Variants in KCNIP4 observed in about 807,000 individuals in gnomAD.
KCNIP4 encodes potassium voltage-gated channel interacting protein 4.
In KCNIP4, 12 loss-of-function variants were observed where a neutral mutation model predicts 34.0. That is an observed-to-expected ratio of 0.35 (90% CI 0.23 to 0.57). KCNIP4 has a LOEUF of 0.57. Among genes scored for constraint, KCNIP4 ranks in the 20% least tolerant of loss-of-function variants. The probability of loss-of-function intolerance (pLI) is 0.83; values close to 1 mark genes in which losing one functional copy is unlikely to be tolerated. For missense variants in KCNIP4, 238 were observed against 311.7 expected, an observed-to-expected ratio of 0.76 and a Z score of 1.78; for synonymous variants, 124 against 102.2, an observed-to-expected ratio of 1.21 and a Z score of -1.29.
intron 1 of KCNIP4, among the ~76,000 whole-genome samples, chr4:21,842,545 G>A (rs941331114): frequency 1.3e-5 from 2 of 151,914 alleles, no homozygotes; most frequent in African/African-American, 4.8e-5. Context: ...ATGTACAAAG[G>A]CTGTATTTTA....
At chr4:21,556,789 C>T (rs1739050696) in intron 1 of KCNIP4, among the ~76,000 whole-genome samples, 2 of 151,672 alleles carry the variant, frequency 1.3e-5, no homozygotes, top group South Asian at 2.1e-4. Context: ...AGCATAGTGG[C>T]AGGTGCCTGT....
intron 1 of KCNIP4, among the ~76,000 whole-genome samples, chr4:21,062,328 G>C (rs1743992864): frequency 6.6e-6 from 1 of 151,988 alleles, no homozygotes. Flanking sequence ...TAGGTTAAAT[G>C]GTGTTCTCCC....
intron 1 of KCNIP4, among the ~76,000 whole-genome samples, chr4:21,560,219 T>C (rs1442840603): frequency 6.6e-6 from 1 of 152,096 alleles, no homozygotes; most frequent in Non-Finnish European, 1.5e-5. Context: ...AAAATGTTCC[T>C]AACTTTAAGA....
At chr4:21,719,977 A>G (rs112816829) in intron 1 of KCNIP4, among the ~76,000 whole-genome samples, 20 of 133,500 alleles carry the variant, frequency 1.5e-4, no homozygotes, top group South Asian at 2.4e-4. Flanking sequence ...AAAAAAAAAA[A>G]AAGAAGAAGA....
intron 2 of KCNIP4, among the ~76,000 whole-genome samples, chr4:20,860,202 C>T (rs1722042708): frequency 6.6e-6 from 1 of 151,584 alleles, no homozygotes; most frequent in Admixed American, 6.6e-5. Flanking sequence ...TGCAGTGGTG[C>T]AATCTTGACT....
chr4:21,512,171 A>G (rs996337367), intron 1 of KCNIP4, among the ~76,000 whole-genome samples: 5,428 of 129,792 alleles, frequency 0.042, 340 homozygotes, highest in African/African-American at 0.15. Flanking sequence ...GGAGGGAGGG[A>G]GGAAGGAAGG....
intron 1 of KCNIP4, among the ~76,000 whole-genome samples, chr4:21,681,876 T>A (rs961785948): frequency 6.7e-6 from 1 of 149,834 alleles, no homozygotes; most frequent in Non-Finnish European, 1.5e-5. Flanking sequence ...TGCCACACTT[T>A]TTTTTTTATT....
chr4:21,405,927 C>A (rs1219691433), intron 1 of KCNIP4, among the ~76,000 whole-genome samples: 12 of 152,228 alleles, frequency 7.9e-5, no homozygotes, highest in Admixed American at 7.9e-4. Flanking sequence ...ACTCCGCCTC[C>A]CGGGTTCAAG....
intron 1 of KCNIP4, among the ~76,000 whole-genome samples, chr4:20,908,782 TA>T (rs1356900969): frequency 6.6e-6 from 1 of 152,224 alleles, no homozygotes; most frequent in African/African-American, 2.4e-5. Context: ...CTTATGCTGC[TA>T]AGGCTCAGTT....
At chr4:20,811,699 G>C (rs930047996) in intron 3 of KCNIP4, among the ~76,000 whole-genome samples, 3 of 152,202 alleles carry the variant, frequency 2.0e-5, no homozygotes, top group Non-Finnish European at 4.4e-5. Context: ...ACGGTTTGAA[G>C]AGGGAGGGGA....
chr4:20,948,670 A>C (rs1158321191), intron 1 of KCNIP4, among the ~76,000 whole-genome samples: 2 of 152,196 alleles, frequency 1.3e-5, no homozygotes, highest in Non-Finnish European at 2.9e-5. Context: ...ATTTGAATGG[A>C]GTCAATAAAA....
In KCNIP4 at chr4:21,930,790, T is replaced by C. The variant is rs766895558; in HGVS notation, c.61+17781A>G. ...AGTTATTCCTGCACCTTTGCTTCCA[T>C]GAAACTTTGTAGCTGGCTCTATTTT... On this transcript the variant is annotated intron_variant, in intron 1 of 8. Coordinates refer to ENST00000382152, the MANE Select transcript of KCNIP4 (RefSeq NM_025221.6). Among the ~76,000 whole-genome samples, 33 of 152,150 alleles carry C rather than the reference T, an allele frequency of 2.2e-4. 1 individual carries two copies. The highest frequency in any genetic ancestry group is 1.8e-4 in the Non-Finnish European group (12 of 68,024).
At chr4:21,714,359 A>C (rs1713984748) in intron 1 of KCNIP4, among the ~76,000 whole-genome samples, 2 of 152,006 alleles carry the variant, frequency 1.3e-5, no homozygotes, top group South Asian at 4.1e-4. Context: ...CTTTGAGAGA[A>C]GGCCACAGCA....
chr4:21,182,837 A>T (rs1754943223), intron 1 of KCNIP4, among the ~76,000 whole-genome samples: 1 of 152,154 alleles, frequency 6.6e-6, no homozygotes, highest in African/African-American at 2.4e-5. Flanking sequence ...GGTTCAAGAG[A>T]GATAATTTAC....
intron 1 of KCNIP4, among the ~76,000 whole-genome samples, chr4:21,268,002 T>C (rs1761922321): frequency 6.6e-6 from 1 of 152,166 alleles, no homozygotes. Flanking sequence ...GTTGGTATGC[T>C]ATTGATTATT....
intron 1 of KCNIP4, among the ~76,000 whole-genome samples, chr4:21,060,994 T>G (rs1235089837): frequency 6.6e-6 from 1 of 152,196 alleles, no homozygotes; most frequent in Non-Finnish European, 1.5e-5. Flanking sequence ...ACGAGCCTGT[T>G]AAAAGATATG....
Position 21,178,970 on chromosome 4 carries a change from C to T in KCNIP4, c.62-296261G>A, listed in dbSNP as rs1236682105. On this transcript the variant is annotated intron_variant, in intron 1 of 8. Transcript: ENST00000382152. ...GTGGCTGGGACCACAGGTTGCACCA[C>T]CATGCCCAGCTAATTTTTGTGTTTT... 5.3e-5 allele frequency among the ~76,000 whole-genome samples: 8 copies of T among 152,098 alleles called. No homozygotes were observed. The South Asian group carries it at 1.2e-3, about 24-fold the overall frequency.
At chr4:21,207,185 A>G (rs1184602427) in intron 1 of KCNIP4, among the ~76,000 whole-genome samples, 1 of 152,200 alleles carries the variant, frequency 6.6e-6, no homozygotes, top group Non-Finnish European at 1.5e-5. Context: ...TAGGAGAAAT[A>G]TTATATTTTT....
At chr4:21,049,888 C>A (rs1215594811) in intron 1 of KCNIP4, among the ~76,000 whole-genome samples, 1 of 152,214 alleles carries the variant, frequency 6.6e-6, no homozygotes, top group Non-Finnish European at 1.5e-5. Flanking sequence ...AAAACCCAAT[C>A]TTTCACTTTA....
Sources: gnomAD v4.1 joint callset for allele counts (sites outside exome capture counted in the v4.1 genomes callset) on GRCh38, gnomAD v4.1.1 for gene constraint, MANE v1.5 for transcripts, NCBI Gene and HGNC (gene_info 2026-07-23, HGNC 2026-07-21) for gene names.